The following CHST11 variants were observed in gnomAD, a reference collection of about 807,000 sequenced individuals.
CHST11 encodes carbohydrate sulfotransferase 11.
CHST11 carries 9 observed loss-of-function variants against 30.4 expected under a neutral mutation model. The observed-to-expected ratio is 0.30, with a 90% confidence interval of 0.18 to 0.52. The LOEUF (loss-of-function observed/expected upper bound fraction) is 0.52. Among genes scored for constraint, CHST11 ranks in the 20% least tolerant of loss-of-function variants. CHST11 has a pLI of 0.97. For missense variants in CHST11, 348 were observed against 460.6 expected (o/e 0.76, Z 2.24); for synonymous variants, 152 against 187.8 (o/e 0.81, Z 1.56).
Position 104,571,943 on chromosome 12 carries a change from A to G in CHST11, c.119-29963A>G, listed in dbSNP as rs12230666. ...CATGAAGGGTTGTTGAATTTTGTCAAAGGCCTTTTCTGCATCTATTCAGAT... is the reference window on the plus strand; with the variant it reads ...CATGAAGGGTTGTTGAATTTTGTCAGAGGCCTTTTCTGCATCTATTCAGAT... On this transcript the variant is annotated intron_variant, in intron 1 of 2. Coordinates refer to ENST00000303694, the MANE Select transcript of CHST11 (RefSeq NM_018413.6). Among the ~76,000 whole-genome samples the G allele has an allele frequency of 0.018, 2,706 of 152,276 alleles. 131 individuals carry two copies. In the East Asian group the frequency reaches 0.18, roughly 10 times the overall value.
chr12:104,708,465 G>T (rs1162959554), intron 2 of CHST11, among the ~76,000 whole-genome samples: 1 of 152,180 alleles, frequency 6.6e-6, no homozygotes, highest in Non-Finnish European at 1.5e-5. Flanking sequence ...TACCTCTTTT[G>T]TAAAGTGAGG....
At chr12:104,697,676 C>A (rs534024231) in intron 2 of CHST11, among the ~76,000 whole-genome samples, 2 of 152,298 alleles carry the variant, frequency 1.3e-5, no homozygotes, top group African/African-American at 4.8e-5. Flanking sequence ...TTCTTCCCAA[C>A]TAAGTGGCCT....
chr12:104,709,876 G>A (rs1163074899), intron 2 of CHST11, among the ~76,000 whole-genome samples: 4 of 152,226 alleles, frequency 2.6e-5, no homozygotes, highest in African/African-American at 7.2e-5. Context: ...TGTATGGTAT[G>A]TGACTCATAT....
At chr12:104,487,246 A>G (rs759578495) in intron 1 of CHST11, among the ~76,000 whole-genome samples, 2 of 152,060 alleles carry the variant, frequency 1.3e-5, no homozygotes, top group African/African-American at 2.4e-5. Context: ...TTTAGAAACA[A>G]TATGTTGGTT....
rs560028236 is a variant in CHST11, at chr12:104,754,255, T to C, written c.205-2694T>C. On this transcript the variant is annotated intron_variant, in intron 2 of 2. Transcript: ENST00000303694. ...GGCTAGGACCCTCAGCTCTCCTGTT[T>C]TTCAGCTCTCCTGTTGCAGTTATTT... Among the ~76,000 whole-genome samples the C allele has an allele frequency of 2.9e-3, 441 of 152,294 alleles. 6 individuals are homozygous for C. The highest frequency in any genetic ancestry group is 0.01 in the African/African-American group (430 of 41,566).
intron 1 of CHST11, among the ~76,000 whole-genome samples, chr12:104,479,253 C>T (rs888426272): frequency 6.6e-6 from 1 of 151,998 alleles, no homozygotes; most frequent in Admixed American, 6.6e-5. Flanking sequence ...ATTGTTCATG[C>T]TGTGTCTGTC....
At chr12:104,581,595 A>G in intron 1 of CHST11, among the ~76,000 whole-genome samples, 1 of 152,138 alleles carries the variant, frequency 6.6e-6, no homozygotes, top group East Asian at 1.9e-4. Context: ...GTGAGGGCTG[A>G]GGCAGTTATT....
chr12:104,561,813 A>G (rs1175387210), intron 1 of CHST11, among the ~76,000 whole-genome samples: 2 of 147,540 alleles, frequency 1.4e-5, no homozygotes, highest in Admixed American at 6.7e-5. Context: ...TTTTTTTGAG[A>G]CAGAGTCTCA....
chr12:104,641,665 T>G (rs2039378298), intron 2 of CHST11, among the ~76,000 whole-genome samples: 2 of 152,178 alleles, frequency 1.3e-5, no homozygotes, highest in South Asian at 4.1e-4. Flanking sequence ...CACTCAATTT[T>G]TCTGTCAACC....
chr12:104,638,814 C>G (rs1460727631), intron 2 of CHST11, among the ~76,000 whole-genome samples: 1 of 152,158 alleles, frequency 6.6e-6, no homozygotes, highest in African/African-American at 2.4e-5. Flanking sequence ...TAGGGTATAA[C>G]TTTAGTTTTC....
chr12:104,550,055 C>T (rs769062293), intron 1 of CHST11, among the ~76,000 whole-genome samples: 13 of 152,198 alleles, frequency 8.5e-5, no homozygotes, highest in Admixed American at 1.3e-4. Flanking sequence ...GAGTCAGAAT[C>T]GATACCTACC....
chr12:104,618,410 T>G (rs1167187079), intron 2 of CHST11, among the ~76,000 whole-genome samples: 1 of 151,948 alleles, frequency 6.6e-6, no homozygotes, highest in East Asian at 1.9e-4. Context: ...TTGTTTTCTT[T>G]TTTTGGTAGA....
At chr12:104,670,472 C>T (rs2039680791) in intron 2 of CHST11, among the ~76,000 whole-genome samples, 1 of 135,704 alleles carries the variant, frequency 7.4e-6, no homozygotes, top group Non-Finnish European at 1.5e-5. Context: ...TGTTCAGACC[C>T]ACACACACAC....
intron 1 of CHST11, among the ~76,000 whole-genome samples, chr12:104,513,560 T>C (rs1002556178): frequency 8.5e-5 from 13 of 152,328 alleles, no homozygotes; most frequent in African/African-American, 3.1e-4. Flanking sequence ...CAATTTTCTG[T>C]GTCATTAACT....
chr12:104,460,973 G>A (rs1250088962), intron 1 of CHST11, among the ~76,000 whole-genome samples: 1 of 152,164 alleles, frequency 6.6e-6, no homozygotes, highest in Non-Finnish European at 1.5e-5. Context: ...ACAACAGTGG[G>A]TTCTCAATAG....
At chr12:104,605,768 G>C (rs988726167) in intron 2 of CHST11, among the ~76,000 whole-genome samples, 3 of 152,274 alleles carry the variant, frequency 2.0e-5, no homozygotes, top group African/African-American at 7.2e-5. Flanking sequence ...TGTGGGCCGA[G>C]CACATCTGCG....
At chr12:104,496,394 A>G (rs1230304937) in intron 1 of CHST11, among the ~76,000 whole-genome samples, 4 of 152,242 alleles carry the variant, frequency 2.6e-5, no homozygotes, top group Admixed American at 1.3e-4. Context: ...GACTAGACCT[A>G]ATAATGGGCC....
At chr12:104,605,880 CCTT>C (rs758337483) in intron 2 of CHST11, among the ~76,000 whole-genome samples, 29 of 152,288 alleles carry the variant, frequency 1.9e-4, no homozygotes, top group Non-Finnish European at 3.7e-4. Context: ...GACAGCTTGT[CCTT>C]CTGCCCCGCC....
At chr12:104,632,537 T>C (rs1463763185) in intron 2 of CHST11, among the ~76,000 whole-genome samples, 1 of 152,182 alleles carries the variant, frequency 6.6e-6, no homozygotes, top group Non-Finnish European at 1.5e-5. Context: ...GAAAAGATTC[T>C]CTAACTGTGG....
Sources: gnomAD v4.1 joint callset for allele counts (sites outside exome capture counted in the v4.1 genomes callset) on GRCh38, gnomAD v4.1.1 for gene constraint, MANE v1.5 for transcripts, NCBI Gene and HGNC (gene_info 2026-07-23, HGNC 2026-07-21) for gene names.